The following C10orf143 variants were observed in gnomAD, a reference collection of about 807,000 sequenced individuals.
The protein encoded by C10orf143 is uncharacterized protein C10orf143.
At chr10:130,087,177 T>C (rs1861304440) in intron 1 of C10orf143, among the ~76,000 whole-genome samples, 1 of 152,220 alleles carries the variant, frequency 6.6e-6, no homozygotes, top group Non-Finnish European at 1.5e-5. Flanking sequence ...TCTATACACT[T>C]ACTTGGGAAA....
intron 1 of C10orf143, among the ~76,000 whole-genome samples, chr10:130,081,451 C>A (rs1339510809): frequency 1.3e-5 from 2 of 152,118 alleles, no homozygotes; most frequent in African/African-American, 4.8e-5. Flanking sequence ...TAGATTTAAA[C>A]AACATAATCA....
In C10orf143 at chr10:130,102,065, TGAGACCAGCCTG is replaced by T. The variant is rs1188423025; in HGVS notation, c.69+8627_69+8638del. Among the ~76,000 whole-genome samples, 6 of 151,970 alleles carry T rather than the reference TGAGACCAGCCTG, an allele frequency of 3.9e-5. No individual in the cohort carries two copies. The East Asian group carries it at 1.2e-3, about 29-fold the overall frequency. On this transcript the variant is annotated intron_variant, in intron 1 of 3. Coordinates refer to ENST00000637128, the MANE Select transcript of C10orf143 (RefSeq NM_001355042.2). The stretch of plus-strand genomic sequence containing the variant: ...GGCAGATTGCTTGAGCCCAGGAGTT[TGAGACCAGCCTG>T]GACAACATGGTGAAAATCTGTCTCT...
rs56220790 is a variant in C10orf143, at chr10:130,095,118, C to T, written c.70-15217G>A. Among the ~76,000 whole-genome samples, 633 of 152,042 alleles carry T rather than the reference C, an allele frequency of 4.2e-3. 4 individuals are homozygous for T. Among genetic ancestry groups the T allele is most frequent in the African/African-American group, 0.014 (579 of 41,376 alleles). ...GAGGGCCAAATCATGAGTGAACTCCCATTCACAATTGCTACAAAGAGAATA... is the reference window on the plus strand; with the variant it reads ...GAGGGCCAAATCATGAGTGAACTCCTATTCACAATTGCTACAAAGAGAATA... On this transcript the variant is annotated intron_variant, in intron 1 of 3. Coordinates refer to ENST00000637128, the MANE Select transcript of C10orf143 (RefSeq NM_001355042.2).
intron 1 of C10orf143, among the ~76,000 whole-genome samples, chr10:130,086,993 T>C (rs1348813432): frequency 6.6e-6 from 1 of 152,064 alleles, no homozygotes; most frequent in African/African-American, 2.4e-5. Context: ...CAGCCTGTAG[T>C]AGGAGAAAGG....
At chr10:130,061,841 C>A (rs181588244), downstream of C10orf143, among the ~76,000 whole-genome samples, 61 of 152,262 alleles carry the variant, frequency 4.0e-4, 1 homozygote, top group South Asian at 5.0e-3. Flanking sequence ...CAGTTCTGCA[C>A]GGGGTGAGCT....
At chr10:130,095,388 A>G (rs914868723) in intron 1 of C10orf143, among the ~76,000 whole-genome samples, 1 of 152,250 alleles carries the variant, frequency 6.6e-6, no homozygotes, top group Non-Finnish European at 1.5e-5. Flanking sequence ...TATAGATTCA[A>G]AGCTATCACC....
chr10:130,040,366 G>A (rs1209346507), intron 3 of C10orf143, among the ~76,000 whole-genome samples: 1 of 152,178 alleles, frequency 6.6e-6, no homozygotes, highest in East Asian at 1.9e-4. Context: ...TGAGTTCTGG[G>A]TCTCTCCAAG....
intron 1 of C10orf143, among the ~76,000 whole-genome samples, chr10:130,088,806 C>T (rs1452115622): frequency 6.6e-6 from 1 of 152,138 alleles, no homozygotes; most frequent in Non-Finnish European, 1.5e-5. Context: ...GATTCCTTTC[C>T]TATGACATTT....
chr10:130,103,965 AAG>A (rs1861599390), intron 1 of C10orf143: 1 of 152,154 alleles, frequency 6.6e-6, no homozygotes, highest in South Asian at 2.1e-4. Flanking sequence ...CTTTAGGGAG[AAG>A]AGTCTCAGCA....
At chr10:130,109,966 T>TA (rs1040972495) in intron 1 of C10orf143, among the ~76,000 whole-genome samples, 1 of 152,070 alleles carries the variant, frequency 6.6e-6, no homozygotes, top group African/African-American at 2.4e-5. Context: ...AGGTGGAAGA[T>TA]AAAATACAGG....
chr10:130,059,796 G>A (rs1860834872), downstream of C10orf143, among the ~76,000 whole-genome samples: 1 of 152,218 alleles, frequency 6.6e-6, no homozygotes, highest in Non-Finnish European at 1.5e-5. Context: ...GTCACAGTGT[G>A]TGGCCCTGAT....
At chr10:130,088,058 T>G (rs954931406) in intron 1 of C10orf143, among the ~76,000 whole-genome samples, 2 of 152,202 alleles carry the variant, frequency 1.3e-5, no homozygotes, top group African/African-American at 4.8e-5. Context: ...AGCGAGCATA[T>G]GAGTTAAGCA....
intron 1 of C10orf143, among the ~76,000 whole-genome samples, chr10:130,097,121 C>T (rs373405301): frequency 6.6e-6 from 1 of 151,954 alleles, no homozygotes; most frequent in East Asian, 1.9e-4. Context: ...CCACTGCACC[C>T]AGCCCAGAAT....
At chr10:130,086,896 C>T (rs144709939) in intron 1 of C10orf143, among the ~76,000 whole-genome samples, 1 of 152,270 alleles carries the variant, frequency 6.6e-6, no homozygotes, top group Non-Finnish European at 1.5e-5. Context: ...GCCCTTGGCA[C>T]ATTAAGGTCA....
chr10:130,104,166 G>A (rs562121338), intron 1 of C10orf143: 1 of 152,304 alleles, frequency 6.6e-6, no homozygotes, highest in East Asian at 1.9e-4. Context: ...TCTACTCATC[G>A]TTTCTTCATC....
rs576031972 is a variant in C10orf143 at position 130,055,408 on chromosome 10, C to A, written c.298-19438G>T. ...ATAAGGAATTCACACAACTCAAAAG[C>A]AAAAAAAGTAATAGCCCAATTTAAA... On this transcript the variant is annotated intron_variant and NMD_transcript_variant, in intron 3 of 5. Coordinates refer to the C10orf143 transcript ENST00000643056. Among the ~76,000 whole-genome samples, 19 of 152,088 alleles carry A rather than the reference C, an allele frequency of 1.2e-4. No individual in the cohort carries two copies. In the East Asian group the frequency reaches 3.5e-3, roughly 28 times the overall value.
chr10:130,085,825 C>T (rs1303729214), intron 1 of C10orf143, among the ~76,000 whole-genome samples: 1 of 152,036 alleles, frequency 6.6e-6, no homozygotes, highest in East Asian at 1.9e-4. Flanking sequence ...GAGAGAAATA[C>T]TGATCTAAAC....
At chr10:130,075,622 G>C (rs1275163581) in intron 3 of C10orf143, among the ~76,000 whole-genome samples, 1 of 152,198 alleles carries the variant, frequency 6.6e-6, no homozygotes, top group Non-Finnish European at 1.5e-5. Flanking sequence ...GTTCGGCTCT[G>C]TGTCCCCACC....
intron 1 of C10orf143, chr10:130,107,849 A>G (rs188715613): frequency 3.2e-6 from 4 of 1,254,052 alleles, no homozygotes; most frequent in African/African-American, 1.5e-5. Flanking sequence ...ACAGGACCGT[A>G]GGATGATGTT....
Sources: gnomAD v4.1 joint callset for allele counts (sites outside exome capture counted in the v4.1 genomes callset) on GRCh38, gnomAD v4.1.1 for gene constraint, MANE v1.5 for transcripts, NCBI Gene and HGNC (gene_info 2026-07-23, HGNC 2026-07-21) for gene names.